Variants in CEP128 observed in about 807,000 individuals in gnomAD.
CEP128 encodes centrosomal protein 128kDa.
A neutral mutation model predicts 156.7 loss-of-function variants in CEP128; 132 were observed. The observed-to-expected ratio is 0.84, with a 90% confidence interval of 0.73 to 0.97. The LOEUF is 0.97. Ranked by LOEUF, CEP128 falls within the 50% of genes least tolerant of loss-of-function variation. The probability of loss-of-function intolerance (pLI) is 0.00; values close to 1 mark genes in which losing one functional copy is unlikely to be tolerated. For missense variants in CEP128, 1,252 were observed against 1,281.9 expected (o/e 0.98, Z 0.36); for synonymous variants, 469 against 448.9 (o/e 1.04, Z -0.57).
chr14:80,884,042 A>G (rs1888676207), intron 8 of CEP128, among the ~76,000 whole-genome samples: 2 of 152,174 alleles, frequency 1.3e-5, no homozygotes, highest in South Asian at 4.1e-4. Context: ...ATGAAACTAG[A>G]TCCCTATCTC....
intron 16 of CEP128, 117 bp downstream of exon 16, chr14:80,777,765 C>T: frequency 1.3e-6 from 1 of 773,378 alleles, no homozygotes; most frequent in Non-Finnish European, 2.0e-6. Flanking sequence ...TTGGGGGGCA[C>T]CAATACAACT....
exon 15 of CEP128, chr14:80,477,719 A>C (rs563357320): frequency 8.5e-5 from 13 of 152,206 alleles, no homozygotes; most frequent in Admixed American, 1.3e-4. Context: ...AAATGAATCC[A>C]GTAGGTTGTA....
chr14:80,518,808 T>A (rs1888609113), intron 23 of CEP128, among the ~76,000 whole-genome samples: 1 of 152,196 alleles, frequency 6.6e-6, no homozygotes, highest in Admixed American at 6.5e-5. Flanking sequence ...CAAAATATTG[T>A]CAGAATTTAT....
intron 9 of CEP128, among the ~76,000 whole-genome samples, chr14:80,858,747 G>A (rs911974432): frequency 1.8e-4 from 28 of 151,688 alleles, no homozygotes; most frequent in Middle Eastern, 3.4e-3. Flanking sequence ...GACATGAACA[G>A]ACACTTTTCA....
intron 3 of CEP128, among the ~76,000 whole-genome samples, chr14:80,915,891 C>T (rs1276844403): frequency 6.6e-6 from 1 of 152,216 alleles, no homozygotes; most frequent in East Asian, 1.9e-4. Context: ...AAGTCCTAAT[C>T]CCTGCAACCT....
At chr14:80,619,821 T>C (rs966041847) in intron 19 of CEP128, among the ~76,000 whole-genome samples, 1 of 151,560 alleles carries the variant, frequency 6.6e-6, no homozygotes, top group African/African-American at 2.4e-5. Context: ...AGGTGAGGCA[T>C]AGGTGGAGAA....
intron 19 of CEP128, among the ~76,000 whole-genome samples, chr14:80,675,110 TTCAA>T (rs1164554002): frequency 1.3e-5 from 2 of 152,112 alleles, no homozygotes; most frequent in African/African-American, 4.8e-5. Context: ...ACCTTTTAAT[TTCAA>T]TCATTCATTC....
At chr14:80,733,337 G>C (rs1178458294) in intron 19 of CEP128, among the ~76,000 whole-genome samples, 7 of 115,140 alleles carry the variant, frequency 6.1e-5, no homozygotes, top group South Asian at 2.7e-4. Context: ...AACCACATGG[G>C]TCGTGTGTGT....
At chr14:80,956,037 GT>G in intron 2 of CEP128, 1 of 701,594 alleles carries the variant, frequency 1.4e-6, no homozygotes, top group Non-Finnish European at 2.5e-6. Context: ...ACTTGGGAAG[GT>G]ATCATTGTTG....
intron 23 of CEP128, among the ~76,000 whole-genome samples, chr14:80,517,198 T>C (rs1470610213): frequency 6.6e-6 from 1 of 152,134 alleles, no homozygotes; most frequent in African/African-American, 2.4e-5. Context: ...AACCTGCTTT[T>C]AGGTAATTTA....
At chr14:80,895,882 CAAAAT>C in intron 7 of CEP128, 92 bp from the exon 8 acceptor site, 1 of 898,892 alleles carries the variant, frequency 1.1e-6, no homozygotes, top group Non-Finnish European at 1.6e-6. Flanking sequence ...TATGTTATTA[CAAAAT>C]ATTCTACTTT....
chr14:80,707,243 A>G (rs1194405747), intron 19 of CEP128, among the ~76,000 whole-genome samples: 4 of 152,118 alleles, frequency 2.6e-5, no homozygotes, highest in African/African-American at 9.7e-5. Flanking sequence ...GGTTAGGTTT[A>G]TCATGTGGGT....
At chr14:80,724,533 C>G (rs1174108223) in intron 19 of CEP128, among the ~76,000 whole-genome samples, 1 of 151,950 alleles carries the variant, frequency 6.6e-6, no homozygotes, top group African/African-American at 2.4e-5. Context: ...TTGTGAAATT[C>G]AAGACTCTAT....
chr14:80,659,256 C>T (rs1895297836), intron 19 of CEP128, among the ~76,000 whole-genome samples: 1 of 152,012 alleles, frequency 6.6e-6, no homozygotes, highest in Admixed American at 6.6e-5. Flanking sequence ...ATAATTTTTT[C>T]CTACAGCAGG....
At chr14:80,745,122 G>A (rs1486418516) in intron 18 of CEP128, among the ~76,000 whole-genome samples, 2 of 152,138 alleles carry the variant, frequency 1.3e-5, no homozygotes, top group Non-Finnish European at 2.9e-5. Flanking sequence ...GATCATGCGG[G>A]CAGTTTCCCC....
chr14:80,882,654 T>C (rs145769004), intron 8 of CEP128, among the ~76,000 whole-genome samples: 37 of 152,278 alleles, frequency 2.4e-4, no homozygotes, highest in African/African-American at 7.5e-4. Context: ...AGCCAAAATT[T>C]GGAAGTAATC....
Position 80,801,910 on chromosome 14 carries a change from C to CAAAAAAAAAAAAAAAA in CEP128, c.1210-8816_1210-8801dup, listed in dbSNP as rs71103882. Among the ~76,000 whole-genome samples the CAAAAAAAAAAAAAAAA allele has an allele frequency of 9.2e-5, 4 of 43,386 alleles. 2 individuals are homozygous for CAAAAAAAAAAAAAAAA. The allele number at this position is 43,386 out of a possible 152,430, so 28.5% of individuals were successfully genotyped here. A position where few individuals can be genotyped will look rare whatever the true frequency, so the allele number is the denominator to read the frequency against. Reference sequence around the variant, plus strand: ...GTGACAGTGTGAGACTCTGTCTCCCCAAAAAAAAAAAAAAAAAAAAAAAAA... The same window carrying CAAAAAAAAAAAAAAAA: ...GTGACAGTGTGAGACTCTGTCTCCCCAAAAAAAAAAAAAAAAAAAAAAAAAAAAAAAAAAAAAAAAA... On this transcript the variant is annotated intron_variant, in intron 13 of 24. Transcript: ENST00000555265.
At chr14:80,903,404 A>C (rs1204984589) in intron 6 of CEP128, among the ~76,000 whole-genome samples, 1 of 152,158 alleles carries the variant, frequency 6.6e-6, no homozygotes, top group Non-Finnish European at 1.5e-5. Context: ...CACTAGAAGA[A>C]AACATAGGCA....
At chr14:80,646,015 G>A (rs549322389) in intron 19 of CEP128, among the ~76,000 whole-genome samples, 23 of 152,216 alleles carry the variant, frequency 1.5e-4, no homozygotes, top group African/African-American at 4.8e-4. Flanking sequence ...GTATGGAGAC[G>A]GTAAAAAGAT....
Sources: allele counts gnomAD v4.1 joint callset (sites outside exome capture counted in the v4.1 genomes callset), GRCh38; gene constraint gnomAD v4.1.1; transcripts MANE v1.5; gene names NCBI Gene and HGNC (gene_info 2026-07-23, HGNC 2026-07-21).